RALGAPA2: variants seen among roughly 807,000 people sequenced by gnomAD.
RALGAPA2 encodes the protein ral GTPase-activating protein subunit alpha-2.
RALGAPA2 carries 139 observed loss-of-function variants against 230.4 expected under a neutral mutation model. The ratio of observed to expected loss-of-function variants is 0.60; its 90% CI spans 0.53 to 0.69. The LOEUF is 0.69. Ranked by LOEUF, RALGAPA2 falls within the 30% of genes least tolerant of loss-of-function variation. The pLI, the probability that RALGAPA2 is intolerant of heterozygous loss-of-function variation, is 0.00. For synonymous variants in RALGAPA2, 847 were observed against 837.8 expected (o/e 1.01, Z -0.19); for missense variants, 2,163 against 2,276.0 (o/e 0.95, Z 1.01).
At chr20:20,468,659 T>C (rs906111573) in intron 37 of RALGAPA2, among the ~76,000 whole-genome samples, 2 of 151,032 alleles carry the variant, frequency 1.3e-5, no homozygotes, top group Non-Finnish European at 2.9e-5. Context: ...CATTCTCTCC[T>C]ATTCCCGTCT....
chr20:20,414,462 T>TAA (rs2060126429), intron 37 of RALGAPA2, among the ~76,000 whole-genome samples: 1 of 152,182 alleles, frequency 6.6e-6, no homozygotes, highest in Non-Finnish European at 1.5e-5. Context: ...CTGGCTATGT[T>TAA]AATCAAGCTC....
At chr20:20,454,754 G>T (rs1232614179) in intron 37 of RALGAPA2, among the ~76,000 whole-genome samples, 2 of 152,182 alleles carry the variant, frequency 1.3e-5, no homozygotes, top group African/African-American at 2.4e-5. Flanking sequence ...TTCAAAGACG[G>T]TAGTGACATC....
chr20:20,705,940 T>C (rs2069584124), intron 1 of RALGAPA2, among the ~76,000 whole-genome samples: 1 of 152,226 alleles, frequency 6.6e-6, no homozygotes, highest in Admixed American at 6.5e-5. Context: ...GTGTTGGGAT[T>C]ATAGGCGTGA....
chr20:20,675,830 T>C (rs1317324548), intron 3 of RALGAPA2, among the ~76,000 whole-genome samples: 2 of 152,286 alleles, frequency 1.3e-5, no homozygotes, highest in African/African-American at 2.4e-5. Flanking sequence ...TGTTAGAGTA[T>C]AGGAAATTTA....
chr20:20,413,866 G>A (rs559647698), intron 37 of RALGAPA2, among the ~76,000 whole-genome samples: 4 of 152,338 alleles, frequency 2.6e-5, no homozygotes, highest in East Asian at 1.9e-4. Flanking sequence ...CTGGTGACTC[G>A]CCTTAATGAA....
chr20:20,629,698 G>T, intron 9 of RALGAPA2, 108 bp from the exon 10 acceptor site: 1 of 1,163,722 alleles, frequency 8.6e-7, no homozygotes, highest in Non-Finnish European at 1.2e-6. Context: ...CCATCAATGT[G>T]CACAGGGTAC....
At chr20:20,400,816 T>C (rs1031136435) in intron 38 of RALGAPA2, among the ~76,000 whole-genome samples, 3 of 152,148 alleles carry the variant, frequency 2.0e-5, no homozygotes, top group Admixed American at 2.0e-4. Flanking sequence ...ACCAATAAAA[T>C]GTGGTCTATC....
At chr20:20,485,225 T>A (rs981198897) in intron 36 of RALGAPA2, among the ~76,000 whole-genome samples, 1 of 152,210 alleles carries the variant, frequency 6.6e-6, no homozygotes, top group Admixed American at 6.5e-5. Flanking sequence ...CAGGTTCTGC[T>A]ATGTAATGTC....
At chr20:20,468,339 ATC>A (rs570566220) in intron 37 of RALGAPA2, among the ~76,000 whole-genome samples, 28 of 152,250 alleles carry the variant, frequency 1.8e-4, no homozygotes, top group African/African-American at 6.7e-4. Context: ...CATCCCTCCC[ATC>A]TGGGGGTATA....
chr20:20,612,622 T>G (rs2066009233), intron 13 of RALGAPA2, among the ~76,000 whole-genome samples: 1 of 152,210 alleles, frequency 6.6e-6, no homozygotes, highest in Non-Finnish European at 1.5e-5. Flanking sequence ...ACATTCTCAC[T>G]GCACTGCATG....
chr20:20,492,321 C>T (rs964929911), intron 36 of RALGAPA2, among the ~76,000 whole-genome samples: 1 of 151,986 alleles, frequency 6.6e-6, no homozygotes, highest in African/African-American at 2.4e-5. Context: ...AGATGAAATA[C>T]ACAGGTGCTA....
chr20:20,436,405 A>C (rs73287229), intron 37 of RALGAPA2, among the ~76,000 whole-genome samples: 163 of 152,368 alleles, frequency 1.1e-3, no homozygotes, highest in African/African-American at 3.8e-3. Context: ...TTAATAGGGT[A>C]GATCTTTCTT....
rs1208279069 is a variant in RALGAPA2 at position 20,589,373 on chromosome 20, T to C, written c.2342-8A>G. The C allele has an allele frequency of 1.3e-6, 2 of 1,575,416 alleles. No homozygotes were observed. Among genetic ancestry groups the C allele is most frequent in the Admixed American group, 3.7e-5 (2 of 53,970 alleles). On this transcript the variant is annotated splice_polypyrimidine_tract_variant and splice_region_variant and intron_variant, in intron 17 of 39. Coordinates refer to ENST00000202677, the MANE Select transcript of RALGAPA2 (RefSeq NM_020343.4). ...TGTTTTCTGCCTTTTGACCTAGAAA[T>C]GGTGGGGCAGGGGGGTAGCGGAAAT...
At chr20:20,641,365 C>A (rs2067025068) in intron 5 of RALGAPA2, among the ~76,000 whole-genome samples, 1 of 152,186 alleles carries the variant, frequency 6.6e-6, no homozygotes, top group Admixed American at 6.5e-5. Flanking sequence ...AATCTCCCTC[C>A]AAATTTACAT....
chr20:20,536,891 G>C, intron 24 of RALGAPA2, 107 bp from the exon 25 acceptor site: 2 of 1,293,040 alleles, frequency 1.5e-6, no homozygotes, highest in Non-Finnish European at 2.1e-6. Context: ...ACCAAACTTG[G>C]CCGAGTTATT....
intron 37 of RALGAPA2, among the ~76,000 whole-genome samples, chr20:20,417,459 A>G (rs528913142): frequency 2.0e-5 from 3 of 152,286 alleles, no homozygotes; most frequent in Middle Eastern, 3.4e-3. Context: ...CCATGGCTAC[A>G]TGGCCTCTTC....
At chr20:20,626,085 C>G (rs982113831) in intron 10 of RALGAPA2, among the ~76,000 whole-genome samples, 1 of 152,214 alleles carries the variant, frequency 6.6e-6, no homozygotes, top group Non-Finnish European at 1.5e-5. Context: ...AGCATACACA[C>G]ACACCTTATC....
At chr20:20,587,738 C>G (rs2065174275) in intron 18 of RALGAPA2, among the ~76,000 whole-genome samples, 1 of 151,752 alleles carries the variant, frequency 6.6e-6, no homozygotes, top group Non-Finnish European at 1.5e-5. Context: ...ATATTTGCTA[C>G]AAACATAACC....
intron 37 of RALGAPA2, among the ~76,000 whole-genome samples, chr20:20,470,089 T>G (rs1226277787): frequency 1.3e-5 from 2 of 152,258 alleles, no homozygotes; most frequent in Admixed American, 1.3e-4. Context: ...TTTTTCAGTC[T>G]TCTATGTGCC....
Sources: allele counts gnomAD v4.1 joint callset (sites outside exome capture counted in the v4.1 genomes callset), GRCh38; gene constraint gnomAD v4.1.1; transcripts MANE v1.5; gene names NCBI Gene and HGNC (gene_info 2026-07-23, HGNC 2026-07-21).